RIMS2: variants seen among roughly 807,000 people sequenced by gnomAD.
The protein encoded by RIMS2 is regulating synaptic membrane exocytosis 2.
In RIMS2, 59 loss-of-function variants were observed where a neutral mutation model predicts 174.4. The ratio of observed to expected loss-of-function variants is 0.34; its 90% CI spans 0.27 to 0.42. RIMS2 has a LOEUF of 0.42. Ranked by LOEUF, RIMS2 falls within the 10% of genes least tolerant of loss-of-function variation. The pLI is 1.00. For missense variants in RIMS2, 1,620 were observed against 1,666.3 expected (o/e 0.97, Z 0.48); for synonymous variants, 606 against 572.5 (o/e 1.06, Z -0.84).
chr8:103,523,093 TATGTGTGTGTGTGC>T (rs1832489136), intron 1 of RIMS2, among the ~76,000 whole-genome samples: 1 of 151,914 alleles, frequency 6.6e-6, no homozygotes, highest in Non-Finnish European at 1.5e-5. Context: ...TGTGTGTGTT[TATGTGTGTGTGTGC>T]ATGTGTGTGT....
At chr8:104,095,414 C>A (rs1463946546) in intron 19 of RIMS2, among the ~76,000 whole-genome samples, 1 of 152,084 alleles carries the variant, frequency 6.6e-6, no homozygotes, top group Non-Finnish European at 1.5e-5. Flanking sequence ...CTTTCTTAAA[C>A]TCAATCCATT....
chr8:104,161,641 C>T (rs1229118249), intron 19 of RIMS2, among the ~76,000 whole-genome samples: 3 of 152,104 alleles, frequency 2.0e-5, no homozygotes, highest in South Asian at 2.1e-4. Flanking sequence ...CTATTGAGGC[C>T]GTAACCCATT....
chr8:104,183,976 GA>G (rs2098954730), intron 19 of RIMS2, among the ~76,000 whole-genome samples: 1 of 151,418 alleles, frequency 6.6e-6, no homozygotes, highest in South Asian at 2.1e-4. Flanking sequence ...GGTTTTCGAG[GA>G]AAAAACTTTT....
chr8:103,575,525 C>T (rs550892355), intron 1 of RIMS2, among the ~76,000 whole-genome samples: 1 of 151,838 alleles, frequency 6.6e-6, no homozygotes, highest in Non-Finnish European at 1.5e-5. Context: ...ATATTAGTTT[C>T]CCATTGCTGC....
intron 3 of RIMS2, chr8:103,768,662 C>T (rs1398591479): frequency 3.9e-5 from 32 of 818,028 alleles, no homozygotes; most frequent in African/African-American, 6.7e-5. Flanking sequence ...ACTGATACTA[C>T]GATGCCTCAT....
At chr8:104,163,644 A>G (rs2098778469) in intron 19 of RIMS2, among the ~76,000 whole-genome samples, 1 of 152,184 alleles carries the variant, frequency 6.6e-6, no homozygotes, top group Non-Finnish European at 1.5e-5. Flanking sequence ...TATGCTTGGG[A>G]CTGATACAGT....
chr8:103,711,648 A>G (rs1249239307), intron 2 of RIMS2, among the ~76,000 whole-genome samples: 1 of 152,138 alleles, frequency 6.6e-6, no homozygotes, highest in Non-Finnish European at 1.5e-5. Flanking sequence ...TAATCACAGC[A>G]CTTTCGGAGG....
chr8:103,929,391 T>A (rs1490676286), intron 11 of RIMS2, among the ~76,000 whole-genome samples: 3 of 151,782 alleles, frequency 2.0e-5, no homozygotes, highest in Non-Finnish European at 4.4e-5. Flanking sequence ...AAGTACTTAG[T>A]TTAACCCCCC....
At chr8:103,964,072 T>G (rs533724178) in intron 15 of RIMS2, among the ~76,000 whole-genome samples, 14 of 152,364 alleles carry the variant, frequency 9.2e-5, no homozygotes, top group Non-Finnish European at 1.8e-4. Context: ...TTGATTCATC[T>G]GCTGAAGGAC....
At chr8:103,568,120 A>G (rs148379840) in intron 1 of RIMS2, among the ~76,000 whole-genome samples, 325 of 152,092 alleles carry the variant, frequency 2.1e-3, no homozygotes, top group African/African-American at 7.5e-3. Context: ...AAATAAATAA[A>G]TAAAAGTAAA....
At chr8:103,880,353 C>T (rs767013553) in intron 3 of RIMS2, 1 of 235,322 alleles carries the variant, frequency 4.2e-6, no homozygotes, top group Non-Finnish European at 8.1e-6. Context: ...TACCATAATC[C>T]TCCTTACAGG....
intron 19 of RIMS2, among the ~76,000 whole-genome samples, chr8:104,112,277 C>A (rs116948621): frequency 0.038 from 5,716 of 152,116 alleles, 136 homozygotes; most frequent in Non-Finnish European, 0.052. Flanking sequence ...TCAGAGTCTT[C>A]ACCATTTTAT....
At chr8:104,062,587 A>G (rs892579468) in intron 19 of RIMS2, among the ~76,000 whole-genome samples, 7 of 152,182 alleles carry the variant, frequency 4.6e-5, no homozygotes, top group Non-Finnish European at 8.8e-5. Context: ...TATCTCATTG[A>G]ATCTAGAAAA....
At chr8:103,779,478 C>T (rs1024100395) in intron 3 of RIMS2, among the ~76,000 whole-genome samples, 2 of 151,840 alleles carry the variant, frequency 1.3e-5, no homozygotes, top group African/African-American at 4.8e-5. Context: ...ATCCAGTTTT[C>T]CCAGCACAGT....
intron 19 of RIMS2, among the ~76,000 whole-genome samples, chr8:104,085,557 A>G (rs1461093016): frequency 6.6e-6 from 1 of 152,190 alleles, no homozygotes; most frequent in Non-Finnish European, 1.5e-5. Flanking sequence ...GAGAGGGAAT[A>G]TTGCGTAGGC....
Position 104,086,273 on chromosome 8 carries a change from T to G in RIMS2, c.3334+71658T>G, listed in dbSNP as rs28609591. 1.1e-3 allele frequency among the ~76,000 whole-genome samples: 96 copies of G among 88,656 alleles called. 1 individual carries two copies. The highest frequency in any genetic ancestry group is 3.9e-3 in the African/African-American group (72 of 18,588). The allele number at this position is 88,656 out of a possible 152,430, so 58.2% of individuals were successfully genotyped here. On this transcript the variant is annotated intron_variant, in intron 19 of 23. Coordinates refer to ENST00000504942, the Ensembl canonical transcript of RIMS2. ...GGAATTTTGTTCTGGTGGGTTTTTTTTTTTTTTTTTTTTTGAGAACAGTTT... is the reference window on the plus strand; with the variant it reads ...GGAATTTTGTTCTGGTGGGTTTTTTGTTTTTTTTTTTTTTGAGAACAGTTT...
At chr8:104,083,266 G>A (rs990119388) in intron 19 of RIMS2, among the ~76,000 whole-genome samples, 1 of 152,050 alleles carries the variant, frequency 6.6e-6, no homozygotes, top group Admixed American at 6.6e-5. Context: ...TTAAAGTTAC[G>A]CTATTACCTT....
intron 17 of RIMS2, among the ~76,000 whole-genome samples, chr8:103,991,127 T>C (rs1416503155): frequency 6.6e-6 from 1 of 151,770 alleles, no homozygotes; most frequent in Admixed American, 6.6e-5. Flanking sequence ...AACTGAAACA[T>C]CATTATATTT....
At chr8:103,633,441 G>A (rs1212730453) in intron 1 of RIMS2, among the ~76,000 whole-genome samples, 1 of 152,092 alleles carries the variant, frequency 6.6e-6, no homozygotes, top group Non-Finnish European at 1.5e-5. Flanking sequence ...GATTCAGTTT[G>A]CAAGTATTTT....
Sources: gnomAD v4.1 joint callset for allele counts (sites outside exome capture counted in the v4.1 genomes callset) on GRCh38, gnomAD v4.1.1 for gene constraint, MANE v1.5 for transcripts, NCBI Gene and HGNC (gene_info 2026-07-23, HGNC 2026-07-21) for gene names.